EPB41L5: variants seen among roughly 807,000 people sequenced by gnomAD.
EPB41L5 encodes the protein erythrocyte membrane protein band 4.1 like 5.
A neutral mutation model predicts 106.6 loss-of-function variants in EPB41L5; 55 were observed. The observed-to-expected ratio is 0.52, with a 90% CI of 0.42 to 0.65. The LOEUF is 0.65. Ranked by LOEUF, EPB41L5 falls within the 30% of genes least tolerant of loss-of-function variation. EPB41L5 has a pLI of 0.00. For synonymous variants in EPB41L5, 297 were observed against 306.7 expected (o/e 0.97, Z 0.33); for missense variants, 871 against 882.1 (o/e 0.99, Z 0.16).
chr2:120,168,129 G>A, intron 24 of EPB41L5, 122 bp downstream of exon 24: 1 of 1,132,772 alleles, frequency 8.8e-7, no homozygotes. Flanking sequence ...ATTGAAATGG[G>A]GCAAATCTTT....
At chr2:120,129,389 G>A (rs1464655088) in intron 17 of EPB41L5, among the ~76,000 whole-genome samples, 3 of 151,856 alleles carry the variant, frequency 2.0e-5, no homozygotes, top group African/African-American at 4.8e-5. Flanking sequence ...TTTGCTTTTC[G>A]TTTCTAGAAA....
intron 2 of EPB41L5, among the ~76,000 whole-genome samples, chr2:120,033,697 A>G (rs1678864378): frequency 8.0e-6 from 1 of 125,620 alleles, no homozygotes; most frequent in South Asian, 2.8e-4. Flanking sequence ...AACAAGAGCG[A>G]AACTCCATCT....
At chr2:120,158,248 G>A (rs754642817) in intron 20 of EPB41L5, among the ~76,000 whole-genome samples, 12 of 152,202 alleles carry the variant, frequency 7.9e-5, no homozygotes, top group Non-Finnish European at 8.8e-5. Flanking sequence ...CTCATTCTGT[G>A]AAGCCAGCAT....
At chr2:120,112,554 T>TGAA (rs1198834040) in intron 16 of EPB41L5, among the ~76,000 whole-genome samples, 13 of 152,326 alleles carry the variant, frequency 8.5e-5, no homozygotes, top group South Asian at 4.1e-4. Context: ...TAGAAGTGGT[T>TGAA]GAAGTTAAGA....
In EPB41L5 at chr2:120,146,213, T is replaced by A. The variant is rs751772206; in HGVS notation, c.1729-12T>A. 1.3e-6 allele frequency: 2 copies of A among 1,535,178 alleles called. No homozygotes were observed. The highest frequency in any genetic ancestry group is 1.8e-6 in the Non-Finnish European group (2 of 1,112,740). On this transcript the variant is annotated splice_polypyrimidine_tract_variant and intron_variant, in intron 19 of 24. Transcript: ENST00000263713. ...ATAAAGATTTACTTTTTTTAATATT[T>A]CATTTTCTTAGGTTACAAAAGAAGA...
intron 3 of EPB41L5, among the ~76,000 whole-genome samples, chr2:120,051,110 C>T (rs1405465204): frequency 6.6e-6 from 1 of 152,166 alleles, no homozygotes; most frequent in Non-Finnish European, 1.5e-5. Flanking sequence ...GGGTCAGGGA[C>T]CCACTTGAGG....
chr2:120,161,527 A>C (rs1005266798), intron 21 of EPB41L5, among the ~76,000 whole-genome samples: 1 of 152,166 alleles, frequency 6.6e-6, no homozygotes, highest in Non-Finnish European at 1.5e-5. Flanking sequence ...AATGTTGGCT[A>C]TGCTTTCACT....
intron 3 of EPB41L5, among the ~76,000 whole-genome samples, chr2:120,064,532 T>G (rs892389794): frequency 6.6e-6 from 1 of 152,242 alleles, no homozygotes; most frequent in African/African-American, 2.4e-5. Context: ...TTATGGCTGT[T>G]ATGTTTGTGG....
At chr2:120,127,406 A>G (rs1231111054) in intron 16 of EPB41L5, among the ~76,000 whole-genome samples, 4 of 152,208 alleles carry the variant, frequency 2.6e-5, no homozygotes, top group Admixed American at 6.5e-5. Context: ...AGTGCCTTAT[A>G]TGAAATGGTG....
At chr2:120,073,352 T>C in intron 4 of EPB41L5, 132 bp downstream of exon 4, 2 of 786,792 alleles carry the variant, frequency 2.5e-6, no homozygotes, top group South Asian at 1.8e-5. Context: ...GAAATTATTT[T>C]ATTCTGATAC....
chr2:120,078,686 C>G, intron 10 of EPB41L5, 105 bp downstream of exon 10: 1 of 693,436 alleles, frequency 1.4e-6, no homozygotes, highest in East Asian at 2.9e-5. Context: ...TTTTGAAAAA[C>G]TTGTCAATGA....
chr2:120,050,319 G>T (rs1574533945), intron 3 of EPB41L5, among the ~76,000 whole-genome samples: 3 of 152,138 alleles, frequency 2.0e-5, no homozygotes, highest in African/African-American at 4.8e-5. Flanking sequence ...CATAGATTTG[G>T]TCTTTTCATG....
intron 18 of EPB41L5, among the ~76,000 whole-genome samples, chr2:120,142,156 A>G (rs1686204944): frequency 6.7e-6 from 1 of 149,986 alleles, no homozygotes; most frequent in African/African-American, 2.4e-5. Context: ...ATACATATAT[A>G]ATTTACCATC....
intron 21 of EPB41L5, among the ~76,000 whole-genome samples, chr2:120,161,555 C>T (rs530791589): frequency 6.6e-6 from 1 of 152,232 alleles, no homozygotes; most frequent in East Asian, 1.9e-4. Context: ...TTTTAAGATA[C>T]AGTGTTGCAT....
At chr2:120,136,560 A>G (rs1256108261) in intron 18 of EPB41L5, among the ~76,000 whole-genome samples, 1 of 151,926 alleles carries the variant, frequency 6.6e-6, no homozygotes, top group Non-Finnish European at 1.5e-5. Context: ...AAAGGGTTGG[A>G]AAAAGATATT....
intron 2 of EPB41L5, among the ~76,000 whole-genome samples, chr2:120,033,186 G>T (rs1678829004): frequency 6.6e-6 from 1 of 152,090 alleles, no homozygotes; most frequent in South Asian, 2.1e-4. Flanking sequence ...TCTTATCAAT[G>T]ATAACATTTT....
intron 3 of EPB41L5, among the ~76,000 whole-genome samples, chr2:120,070,044 C>T (rs569090721): frequency 6.6e-6 from 1 of 151,958 alleles, no homozygotes; most frequent in Admixed American, 6.6e-5. Context: ...GTAAAGAGCT[C>T]CTGAAGGAAG....
At chr2:120,086,075 C>T (rs1282293884) in intron 10 of EPB41L5, among the ~76,000 whole-genome samples, 2 of 152,080 alleles carry the variant, frequency 1.3e-5, no homozygotes, top group Non-Finnish European at 2.9e-5. Flanking sequence ...GTGGCACGCA[C>T]CTGTAATCCC....
chr2:120,158,471 GAAAT>G (rs1238093857), intron 20 of EPB41L5, among the ~76,000 whole-genome samples: 1 of 152,180 alleles, frequency 6.6e-6, no homozygotes, highest in Non-Finnish European at 1.5e-5. Flanking sequence ...CACATAAACA[GAAAT>G]AAAGACAAAA....
Sources: allele counts gnomAD v4.1 joint callset (sites outside exome capture counted in the v4.1 genomes callset), GRCh38; gene constraint gnomAD v4.1.1; transcripts MANE v1.5; gene names NCBI Gene and HGNC (gene_info 2026-07-23, HGNC 2026-07-21).